CHD6: variants seen among roughly 807,000 people sequenced by gnomAD.
CHD6 encodes the protein chromodomain helicase DNA binding protein 6.
In CHD6, 50 loss-of-function variants were observed where a neutral mutation model predicts 276.9. That is an observed-to-expected ratio of 0.18 (90% CI 0.14 to 0.23). CHD6 has a LOEUF of 0.23. CHD6 is among the 10% of genes least tolerant of loss of function. The pLI is 1.00. For missense variants in CHD6, 2,564 were observed against 3,365.8 expected (o/e 0.76, Z 5.89); for synonymous variants, 1,173 against 1,229.3 (o/e 0.95, Z 0.96).
intron 16 of CHD6, chr20:41,482,416 A>G (rs2043315833): frequency 2.9e-6 from 1 of 348,552 alleles, no homozygotes; most frequent in Non-Finnish European, 5.7e-6. Flanking sequence ...CAGCATACCC[A>G]TAGTTTAATT....
intron 16 of CHD6, among the ~76,000 whole-genome samples, chr20:41,477,875 C>G (rs867933053): frequency 4.6e-5 from 7 of 152,158 alleles, no homozygotes; most frequent in Admixed American, 6.6e-5. Flanking sequence ...TCTAGATCAC[C>G]TACCCCAGCC....
In CHD6 at chr20:41,425,357, T is replaced by C. The variant is rs767348439; in HGVS notation, c.4167A>G (p.Pro1389=). ...GACGAGCTGTGAGGGCGGAGGAAAC[T>C]GGCCAGGGCGATTTGTCTGGGTCGG... ...DGSDPDKSPW[P]VSSALTARLR... Residue 1389 remains proline, a synonymous_variant, in exon 29 of 37, where the codon CCA becomes CCG. Transcript: ENST00000373233. 2 of 1,614,174 alleles carry C rather than the reference T, an allele frequency of 1.2e-6. No individual in the cohort carries two copies. Among genetic ancestry groups the C allele is most frequent in the African/African-American group, 1.3e-5 (1 of 75,056 alleles).
intron 36 of CHD6, among the ~76,000 whole-genome samples, chr20:41,411,324 A>G (rs553622687): frequency 4.6e-5 from 7 of 151,502 alleles, no homozygotes; most frequent in Admixed American, 4.6e-4. Context: ...ATCACATTCA[A>G]GCAATCCCAC....
At chr20:41,522,037 G>A (rs571337793) in intron 3 of CHD6, among the ~76,000 whole-genome samples, 1 of 152,266 alleles carries the variant, frequency 6.6e-6, no homozygotes, top group African/African-American at 2.4e-5. Flanking sequence ...TAAAGGAAGT[G>A]GTAGTTAGAA....
intron 23 of CHD6, 142 bp downstream of exon 23, chr20:41,450,804 G>C: frequency 1.3e-6 from 1 of 766,884 alleles, no homozygotes; most frequent in East Asian, 2.5e-5. Flanking sequence ...AGCCAGCTTA[G>C]ACCACAGATA....
chr20:41,598,691 C>T (rs892521621), intron 1 of CHD6, among the ~76,000 whole-genome samples: 2 of 152,194 alleles, frequency 1.3e-5, no homozygotes, highest in African/African-American at 4.8e-5. Flanking sequence ...AATTTCACCT[C>T]GTGTCTCTCA....
At chr20:41,453,349 T>A (rs2048297485) in intron 20 of CHD6, among the ~76,000 whole-genome samples, 1 of 152,222 alleles carries the variant, frequency 6.6e-6, no homozygotes, top group South Asian at 2.1e-4. Context: ...GCTAGAGAAT[T>A]CCATCTGCTC....
intron 1 of CHD6, among the ~76,000 whole-genome samples, chr20:41,589,898 C>T (rs926090139): frequency 5.3e-5 from 8 of 152,190 alleles, no homozygotes; most frequent in African/African-American, 1.9e-4. Context: ...AAAGAGTCCG[C>T]ATTGCCAAGT....
intron 17 of CHD6, among the ~76,000 whole-genome samples, chr20:41,469,868 A>C (rs562417376): frequency 2.6e-5 from 4 of 152,220 alleles, no homozygotes; most frequent in Non-Finnish European, 5.9e-5. Context: ...GCTAACTTTA[A>C]TCTCTTTTGT....
chr20:41,601,046 C>A (rs559599852), intron 1 of CHD6, among the ~76,000 whole-genome samples: 1 of 152,200 alleles, frequency 6.6e-6, no homozygotes, highest in East Asian at 1.9e-4. Flanking sequence ...CTCTGCCCAC[C>A]TTTCCAGGAA....
At chr20:41,592,939 C>A (rs1007567026) in intron 1 of CHD6, among the ~76,000 whole-genome samples, 1 of 151,996 alleles carries the variant, frequency 6.6e-6, no homozygotes, top group Non-Finnish European at 1.5e-5. Context: ...AAACGTGCCC[C>A]TCCAAAACTC....
intron 24 of CHD6, 112 bp downstream of exon 24, chr20:41,447,770 G>T (rs2294570): frequency 3.1e-6 from 2 of 638,320 alleles, no homozygotes; most frequent in East Asian, 2.9e-5. Flanking sequence ...TCCTGGGCAG[G>T]GGGTAGGAGG....
At chr20:41,410,566 C>G (rs553795449) in intron 36 of CHD6, among the ~76,000 whole-genome samples, 2 of 152,160 alleles carry the variant, frequency 1.3e-5, no homozygotes, top group Admixed American at 6.5e-5. Flanking sequence ...TGCCCCTGTT[C>G]GGAAGGCTGA....
At chr20:41,600,241 C>T (rs1282434604) in intron 1 of CHD6, among the ~76,000 whole-genome samples, 1 of 152,204 alleles carries the variant, frequency 6.6e-6, no homozygotes, top group Non-Finnish European at 1.5e-5. Context: ...CAAATCCAGA[C>T]CCAACCCTCA....
rs867878351 is a variant in CHD6, at chr20:41,554,644, C to T, written c.-23-3284G>A. ...CTGTTTAACAAAGCACATCTTGCAC[C>T]GCCCTTAATCCATTTAACCCTGAGT... is the stretch of plus-strand genomic sequence containing the variant. On this transcript the variant is annotated intron_variant, in intron 1 of 36. Transcript: ENST00000373233. 7.0e-4 allele frequency among the ~76,000 whole-genome samples: 105 copies of T among 150,998 alleles called. 1 individual carries two copies. The highest frequency in any genetic ancestry group is 2.3e-3 in the African/African-American group (93 of 41,028).
intron 3 of CHD6, 108 bp downstream of exon 3, chr20:41,532,942 C>A: frequency 7.9e-7 from 1 of 1,269,454 alleles, no homozygotes; most frequent in Non-Finnish European, 1.1e-6. Flanking sequence ...GAAGCTTAGG[C>A]CCACAGGAGT....
intron 17 of CHD6, among the ~76,000 whole-genome samples, chr20:41,462,207 T>C (rs894036605): frequency 6.6e-6 from 1 of 152,232 alleles, no homozygotes; most frequent in African/African-American, 2.4e-5. Context: ...GTTCAAATTA[T>C]GATTGAAGAA....
At chr20:41,585,360 G>A (rs1022680970) in intron 1 of CHD6, among the ~76,000 whole-genome samples, 11 of 151,848 alleles carry the variant, frequency 7.2e-5, no homozygotes, top group African/African-American at 2.7e-4. Context: ...AATTAGCCAG[G>A]CGTGGGGAGC....
chr20:41,443,314 C>A (rs1439136586), intron 25 of CHD6, among the ~76,000 whole-genome samples: 1 of 152,152 alleles, frequency 6.6e-6, no homozygotes, highest in Non-Finnish European at 1.5e-5. Context: ...ATCCCAATAC[C>A]CTGAACAGTG....
Sources: allele counts gnomAD v4.1 joint callset (sites outside exome capture counted in the v4.1 genomes callset), GRCh38; gene constraint gnomAD v4.1.1; transcripts MANE v1.5; gene names NCBI Gene and HGNC (gene_info 2026-07-23, HGNC 2026-07-21).